Variants in PDE7B observed in about 807,000 individuals in gnomAD.
PDE7B encodes phosphodiesterase 7B, also known as 3',5'-cyclic-AMP phosphodiesterase 7B.
In PDE7B, 29 loss-of-function variants were observed where a neutral mutation model predicts 56.2. The ratio of observed to expected loss-of-function variants is 0.52; its 90% CI spans 0.38 to 0.70. The LOEUF (loss-of-function observed/expected upper bound fraction) is 0.70, where lower values mean the gene tolerates loss of function less well. Among genes scored for constraint, PDE7B ranks in the 30% least tolerant of loss-of-function variants. PDE7B has a pLI of 0.00. For synonymous variants in PDE7B, 197 were observed against 196.9 expected, an observed-to-expected ratio of 1.00 and a Z score of 0.00; for missense variants, 490 against 565.0, an observed-to-expected ratio of 0.87 and a Z score of 1.35.
At position 135,980,375 on chromosome 6, in the gene PDE7B, G is replaced by A. The variant is rs1040631505; in HGVS notation, c.82+32851G>A. On this transcript the variant is annotated intron_variant, in intron 2 of 12. Transcript: ENST00000308191. ...CTAGGCATTACCATTCAGGACACAGGCATGGGCAAGAACTTCATGTCTAAA... is the reference window on the plus strand; with the variant it reads ...CTAGGCATTACCATTCAGGACACAGACATGGGCAAGAACTTCATGTCTAAA... Among the ~76,000 whole-genome samples, 88 of 152,264 alleles carry A rather than the reference G, an allele frequency of 5.8e-4. 1 individual carries two copies. Among genetic ancestry groups the A allele is most frequent in the African/African-American group, 2.1e-3 (86 of 41,528 alleles).
At chr6:136,012,186 A>G (rs947068635) in intron 2 of PDE7B, among the ~76,000 whole-genome samples, 2 of 151,204 alleles carry the variant, frequency 1.3e-5, no homozygotes, top group Admixed American at 1.3e-4. Context: ...CTCCCTTCCC[A>G]CCCTTTGAAT....
At chr6:136,056,050 A>T (rs1776722848) in intron 2 of PDE7B, among the ~76,000 whole-genome samples, 1 of 152,222 alleles carries the variant, frequency 6.6e-6, no homozygotes, top group African/African-American at 2.4e-5. Context: ...CGGGAGCTAG[A>T]TAATGCCAGA....
At chr6:135,877,041 A>G (rs1427487011) in intron 1 of PDE7B, among the ~76,000 whole-genome samples, 2 of 151,744 alleles carry the variant, frequency 1.3e-5, no homozygotes, top group African/African-American at 2.4e-5. Flanking sequence ...TAATTACCAT[A>G]TATCTCATTT....
chr6:135,868,865 C>T (rs553528258), intron 1 of PDE7B, among the ~76,000 whole-genome samples: 162 of 152,250 alleles, frequency 1.1e-3, no homozygotes, highest in African/African-American at 3.3e-3. Flanking sequence ...TTAGTATGTC[C>T]GAACCTTAAG....
chr6:135,874,178 G>A (rs1001237970), intron 1 of PDE7B, among the ~76,000 whole-genome samples: 15 of 152,162 alleles, frequency 9.9e-5, no homozygotes, highest in Non-Finnish European at 1.8e-4. Flanking sequence ...AATGTTCACA[G>A]CAGAGGACAC....
At chr6:136,001,955 G>C (rs1775675208) in intron 2 of PDE7B, among the ~76,000 whole-genome samples, 1 of 152,086 alleles carries the variant, frequency 6.6e-6, no homozygotes, top group Non-Finnish European at 1.5e-5. Context: ...AGAGAGAAAG[G>C]TCGGGTTACC....
intron 1 of PDE7B, among the ~76,000 whole-genome samples, chr6:135,926,033 T>C (rs2128196149): frequency 7.0e-6 from 1 of 143,618 alleles, no homozygotes; most frequent in East Asian, 2.1e-4. Context: ...TGTAGACTTC[T>C]TTAGGAAATG....
chr6:135,911,617 G>A (rs891976974), intron 1 of PDE7B, among the ~76,000 whole-genome samples: 1 of 152,144 alleles, frequency 6.6e-6, no homozygotes. Context: ...TGCTATCTAT[G>A]TGTTTTTGTG....
chr6:135,861,665 A>G (rs2128184707), intron 1 of PDE7B, among the ~76,000 whole-genome samples: 1 of 151,700 alleles, frequency 6.6e-6, no homozygotes, highest in Admixed American at 6.6e-5. Context: ...TTTAGAATTA[A>G]CTTAAGATTC....
chr6:135,867,529 C>A (rs1370889814), intron 1 of PDE7B, among the ~76,000 whole-genome samples: 2 of 151,996 alleles, frequency 1.3e-5, no homozygotes, highest in Non-Finnish European at 2.9e-5. Flanking sequence ...TTTCATCACC[C>A]AAGTATTAAG....
intron 1 of PDE7B, among the ~76,000 whole-genome samples, chr6:135,889,598 GC>G (rs1212518329): frequency 6.7e-6 from 1 of 149,616 alleles, no homozygotes; most frequent in Admixed American, 6.7e-5. Context: ...CCACCACCAG[GC>G]CCAGCTAATT....
chr6:135,926,455 A>G (rs1562442233), intron 1 of PDE7B, among the ~76,000 whole-genome samples: 1 of 151,720 alleles, frequency 6.6e-6, no homozygotes, highest in Non-Finnish European at 1.5e-5. Context: ...ATTAGAGGAC[A>G]AAGGGTGTGG....
At chr6:135,867,397 A>C (rs188955497) in intron 1 of PDE7B, among the ~76,000 whole-genome samples, 8 of 152,338 alleles carry the variant, frequency 5.3e-5, no homozygotes, top group Admixed American at 5.2e-4. Context: ...AATTGAAAAC[A>C]TGTTAATACA....
At chr6:136,148,963 T>C (rs1778466173) in intron 4 of PDE7B, 124 bp from the exon 5 acceptor site, 2 of 665,906 alleles carry the variant, frequency 3.0e-6, no homozygotes, top group Admixed American at 5.1e-5. Flanking sequence ...ACCATTCATT[T>C]GCACTAGATG....
intron 2 of PDE7B, among the ~76,000 whole-genome samples, chr6:136,063,748 C>A (rs1562483845): frequency 6.6e-6 from 1 of 152,196 alleles, no homozygotes; most frequent in Non-Finnish European, 1.5e-5. Flanking sequence ...TTCACTGTTA[C>A]TTCTGCCTCT....
chr6:135,863,060 T>A (rs1348789271), intron 1 of PDE7B, among the ~76,000 whole-genome samples: 10 of 152,014 alleles, frequency 6.6e-5, no homozygotes, highest in Admixed American at 2.6e-4. Context: ...GAAACTTGAA[T>A]GTATAACCGA....
chr6:136,176,466 T>C (rs1311828923), intron 9 of PDE7B, among the ~76,000 whole-genome samples: 3 of 152,138 alleles, frequency 2.0e-5, no homozygotes, highest in African/African-American at 7.2e-5. Flanking sequence ...TCAATTACTA[T>C]AGCTGTACAT....
intron 2 of PDE7B, among the ~76,000 whole-genome samples, chr6:135,958,600 T>G (rs1259063175): frequency 6.6e-6 from 1 of 152,140 alleles, no homozygotes; most frequent in East Asian, 1.9e-4. Flanking sequence ...ATATAGAAAT[T>G]TTCAGAATGA....
At chr6:136,114,907 G>A (rs1204928782) in intron 3 of PDE7B, 1 of 152,212 alleles carries the variant, frequency 6.6e-6, no homozygotes, top group Non-Finnish European at 1.5e-5. Flanking sequence ...TGCACTCAGG[G>A]CTTCTGGCTG....
Sources: allele counts gnomAD v4.1 joint callset (sites outside exome capture counted in the v4.1 genomes callset), GRCh38; gene constraint gnomAD v4.1.1; transcripts MANE v1.5; gene names NCBI Gene and HGNC (gene_info 2026-07-23, HGNC 2026-07-21).